The following APPL1 variants were observed in gnomAD, a reference collection of about 807,000 sequenced individuals.
APPL1 encodes adaptor protein, phosphotyrosine interacting with PH domain and leucine zipper 1, also known as DCC-interacting protein 13-alpha.
APPL1 carries 42 observed loss-of-function variants against 106.8 expected under a neutral mutation model. The observed-to-expected ratio is 0.39, with a 90% confidence interval of 0.31 to 0.51. The LOEUF (loss-of-function observed/expected upper bound fraction) is 0.51. APPL1 is among the 20% of genes least tolerant of loss of function. The pLI is 0.75. For missense variants in APPL1, 769 were observed against 858.2 expected, an observed-to-expected ratio of 0.90 and a Z score of 1.30; for synonymous variants, 263 against 281.8, an observed-to-expected ratio of 0.93 and a Z score of 0.67.
At chr3:57,251,628 G>A (rs2060805572) in intron 11 of APPL1, among the ~76,000 whole-genome samples, 1 of 150,660 alleles carries the variant, frequency 6.6e-6, no homozygotes, top group Non-Finnish European at 1.5e-5. Flanking sequence ...CCAATATTGT[G>A]TGGATTTATC....
At chr3:57,268,951 C>G (rs1478276505) in intron 21 of APPL1, 1 of 152,782 alleles carries the variant, frequency 6.5e-6, no homozygotes, top group Non-Finnish European at 1.5e-5. Context: ...TTGAAGAATG[C>G]ATTAAATGAT....
rs2060944318 is a variant in APPL1, at chr3:57,271,986, G to C, written c.*2299G>C. 1 of 152,154 alleles carries C rather than the reference G, an allele frequency of 6.6e-6. No homozygotes were observed. The highest frequency in any genetic ancestry group is 2.4e-5 in the African/African-American group (1 of 41,446). The allele number at this position is 152,154 out of a possible 1,614,324, so 9.4% of individuals were successfully genotyped here. On this transcript the variant is annotated 3_prime_UTR_variant, in exon 22 of 22. Coordinates refer to ENST00000288266, the MANE Select transcript of APPL1 (RefSeq NM_012096.3). ...TTTGTTATTTAAAGGCTGCCCATGGGTTTCTGCCTAGTGGTAAAGCTGATT... is the reference window on the plus strand; with the variant it reads ...TTTGTTATTTAAAGGCTGCCCATGGCTTTCTGCCTAGTGGTAAAGCTGATT...
chr3:57,256,566 T>C (rs2060837586), intron 13 of APPL1, among the ~76,000 whole-genome samples: 2 of 152,236 alleles, frequency 1.3e-5, no homozygotes. Context: ...TCAACAAATG[T>C]ATCGATTGTC....
chr3:57,238,848 G>A (rs966204103), intron 4 of APPL1, among the ~76,000 whole-genome samples: 1 of 152,170 alleles, frequency 6.6e-6, no homozygotes, highest in Non-Finnish European at 1.5e-5. Flanking sequence ...ACAGTGCTAT[G>A]CAACCATAAC....
chr3:57,243,428 C>T lies in APPL1; in HGVS notation c.474+514C>T, dbSNP rs185114279. On this transcript the variant is annotated intron_variant, in intron 7 of 21. Transcript: ENST00000288266. ...CAGAGTATTAACAGGTTTTTTTGGGCGTGCCTTAAGATCATGTCTTTCTCC... is the reference window on the plus strand; with the variant it reads ...CAGAGTATTAACAGGTTTTTTTGGGTGTGCCTTAAGATCATGTCTTTCTCC... Among the ~76,000 whole-genome samples, 12 of 152,246 alleles carry T rather than the reference C, an allele frequency of 7.9e-5. No individual in the cohort carries two copies. The East Asian group carries it at 2.3e-3, about 29-fold the overall frequency.
At chr3:57,229,017 G>A (rs1470457126) in intron 1 of APPL1, among the ~76,000 whole-genome samples, 1 of 152,204 alleles carries the variant, frequency 6.6e-6, no homozygotes, top group African/African-American at 2.4e-5. Context: ...AAGTTGAAAT[G>A]GGGCTCTGAT....
At chr3:57,261,470 C>T (rs2107609323) in intron 19 of APPL1, among the ~76,000 whole-genome samples, 1 of 152,162 alleles carries the variant, frequency 6.6e-6, no homozygotes, top group Non-Finnish European at 1.5e-5. Flanking sequence ...TGGGTAGATA[C>T]CCAGTAGTGG....
intron 3 of APPL1, 117 bp downstream of exon 3, chr3:57,237,668 C>A: frequency 1.5e-6 from 1 of 653,248 alleles, no homozygotes; most frequent in Non-Finnish European, 2.6e-6. Flanking sequence ...ATTGAAATTT[C>A]ATGATAGCAC....
intron 2 of APPL1, among the ~76,000 whole-genome samples, chr3:57,237,274 C>G (rs1187666820): frequency 6.6e-6 from 1 of 152,068 alleles, no homozygotes; most frequent in African/African-American, 2.4e-5. Flanking sequence ...AAACAAACAC[C>G]AGGAACACTG....
rs752841094 is a variant in APPL1 at position 57,256,979 on chromosome 3, A to C, written c.1175A>C (p.Gln392Pro). The C allele has an allele frequency of 1.2e-6, 2 of 1,614,034 alleles. No homozygotes were observed. Among genetic ancestry groups the C allele is most frequent in the African/African-American group, 1.3e-5 (1 of 74,928 alleles). The stretch of plus-strand genomic sequence containing the variant: ...TAGGAAACTGCTGCACGAGTAAATC[A>C]ATCAGCTCTGGAAGCTGTCACTCCT... ...NPEETAARVNQSALEAVTPSP... is the reference protein window; with the variant it reads ...NPEETAARVNPSALEAVTPSP... The change falls in exon 14 of 22, where the codon CAA becomes CCA. Residue 392 changes from glutamine to proline, a missense_variant. By Grantham distance (76) the Gln-to-Pro change is moderately conservative. Transcript: ENST00000288266.
At chr3:57,260,922 G>C in intron 19 of APPL1, 148 bp downstream of exon 19, 1 of 981,706 alleles carries the variant, frequency 1.0e-6, no homozygotes, top group Non-Finnish European at 1.4e-6. Context: ...TGAGGCACAT[G>C]TGAATTTTGT....
chr3:57,245,564 A>G (rs898165328), intron 7 of APPL1, among the ~76,000 whole-genome samples: 4 of 144,522 alleles, frequency 2.8e-5, no homozygotes, highest in Non-Finnish European at 6.0e-5. Flanking sequence ...TTTTTTTTTG[A>G]GACAGTCTCT....
chr3:57,265,104 G>T (rs2060887506), intron 19 of APPL1, among the ~76,000 whole-genome samples: 1 of 151,722 alleles, frequency 6.6e-6, no homozygotes, highest in Admixed American at 6.6e-5. Flanking sequence ...TCCATTTTTG[G>T]TGTCCTCTTC....
chr3:57,273,084 T>C lies in APPL1; in HGVS notation c.*3397T>C, dbSNP rs2060956609. ...AGACATAAAGATTTGAAACTGGAACTATATTATACTTTTTAACCAATCTCT... is the reference window on the plus strand; with the variant it reads ...AGACATAAAGATTTGAAACTGGAACCATATTATACTTTTTAACCAATCTCT... On this transcript the variant is annotated 3_prime_UTR_variant, in exon 22 of 22. Transcript: ENST00000288266. 1 of 152,674 alleles carries C rather than the reference T, an allele frequency of 6.5e-6. No homozygotes were observed. Among genetic ancestry groups the C allele is most frequent in the Admixed American group, 6.5e-5 (1 of 15,284 alleles). 9.5% of individuals were successfully genotyped at this position (152,674 alleles called of 1,614,324 possible).
At chr3:57,262,814 GT>G (rs1323032480) in intron 19 of APPL1, among the ~76,000 whole-genome samples, 35 of 12,966 alleles carry the variant, frequency 2.7e-3, no homozygotes, top group African/African-American at 0.017. Flanking sequence ...GGTACAAGGG[GT>G]GTGTGTGTGT....
chr3:57,254,189 A>G (rs992082544), intron 13 of APPL1, among the ~76,000 whole-genome samples: 16 of 152,172 alleles, frequency 1.1e-4, no homozygotes, highest in African/African-American at 3.4e-4. Context: ...ATGTGCCATG[A>G]ATGTAATGAG....
intron 2 of APPL1, among the ~76,000 whole-genome samples, chr3:57,236,830 T>C (rs907803927): frequency 1.3e-5 from 2 of 152,246 alleles, no homozygotes; most frequent in African/African-American, 4.8e-5. Flanking sequence ...TTCTGTAATA[T>C]ACTTTCTTTG....
chr3:57,228,419 G>A lies in APPL1; in HGVS notation c.54+482G>A, dbSNP rs2060665434. ...GAGAGGCTGTAAGGTTGTGTGTGGA[G>A]CCCTAATGGCAAAGCCCGTGACGGG... On this transcript the variant is annotated intron_variant, in intron 1 of 21. Coordinates refer to ENST00000288266, the MANE Select transcript of APPL1 (RefSeq NM_012096.3). The surrounding 1 kb of genome is among the most constrained non-coding windows in gnomAD (Gnocchi z 4.6). Among the ~76,000 whole-genome samples the A allele has an allele frequency of 6.6e-6, 1 of 152,172 alleles. No homozygotes were observed. Among genetic ancestry groups the A allele is most frequent in the Admixed American group, 6.5e-5 (1 of 15,286 alleles).
chr3:57,252,352 A>G, intron 12 of APPL1, 41 bp downstream of exon 12: 1 of 1,452,334 alleles, frequency 6.9e-7, no homozygotes. Context: ...GACATTTTAA[A>G]ATATTTTTCT....
Sources: gnomAD v4.1 joint callset for allele counts (sites outside exome capture counted in the v4.1 genomes callset) on GRCh38, gnomAD v4.1.1 for gene constraint, Gnocchi (gnomAD v3.1) non-coding constraint, MANE v1.5 for transcripts, NCBI Gene and HGNC (gene_info 2026-07-23, HGNC 2026-07-21) for gene names.